CELF4: variants seen among roughly 807,000 people sequenced by gnomAD.
CELF4 encodes CUGBP Elav-like family member 4.
CELF4 carries 18 observed loss-of-function variants against 59.9 expected under a neutral mutation model. The observed-to-expected ratio is 0.30, with a 90% confidence interval of 0.21 to 0.45. CELF4 has a LOEUF of 0.45. CELF4 is among the 20% of genes least tolerant of loss of function. The probability of loss-of-function intolerance (pLI) is 1.00; values close to 1 mark genes in which losing one functional copy is unlikely to be tolerated. For missense variants in CELF4, 456 were observed against 689.0 expected, an observed-to-expected ratio of 0.66 and a Z score of 3.79; for synonymous variants, 261 against 267.1, an observed-to-expected ratio of 0.98 and a Z score of 0.22.
intron 2 of CELF4, among the ~76,000 whole-genome samples, chr18:37,478,639 T>G (rs2099857349): frequency 6.6e-6 from 1 of 152,168 alleles, no homozygotes; most frequent in South Asian, 2.1e-4. Flanking sequence ...GAGATGTCTC[T>G]GTGGGGAGGA....
chr18:37,275,280 G>A (rs552780908), intron 3 of CELF4, 37 bp from the exon 4 acceptor site: 1 of 1,610,480 alleles, frequency 6.2e-7, no homozygotes, highest in East Asian at 2.2e-5. Flanking sequence ...CCGGGCCAGG[G>A]ACCGGGCTGC....
intron 2 of CELF4, among the ~76,000 whole-genome samples, chr18:37,341,352 G>T (rs955872675): frequency 3.3e-5 from 5 of 152,210 alleles, no homozygotes; most frequent in Non-Finnish European, 5.9e-5. Context: ...CTGACAGTGG[G>T]AGTGGTCTGG....
At chr18:37,518,013 C>T (rs552711157) in intron 1 of CELF4, among the ~76,000 whole-genome samples, 1 of 152,276 alleles carries the variant, frequency 6.6e-6, no homozygotes, top group South Asian at 2.1e-4. Flanking sequence ...GTCCCCCTCC[C>T]TCTCAGGCCT....
chr18:37,475,175 G>A (rs901570947), intron 2 of CELF4, among the ~76,000 whole-genome samples: 28 of 152,294 alleles, frequency 1.8e-4, no homozygotes, highest in Admixed American at 1.6e-3. Flanking sequence ...CCAAGTTCCT[G>A]GGGTCAACCC....
chr18:37,415,830 A>C (rs949420022), intron 2 of CELF4, among the ~76,000 whole-genome samples: 4 of 152,224 alleles, frequency 2.6e-5, no homozygotes, highest in African/African-American at 9.7e-5. Context: ...TCACAACATG[A>C]CACTCCCTGG....
intron 2 of CELF4, among the ~76,000 whole-genome samples, chr18:37,410,067 C>G (rs1422107978): frequency 6.6e-6 from 1 of 152,114 alleles, no homozygotes; most frequent in East Asian, 1.9e-4. Flanking sequence ...CAGGTGTTGA[C>G]TGGACTGAGC....
chr18:37,444,499 C>T (rs1178874593), intron 2 of CELF4, among the ~76,000 whole-genome samples: 1 of 152,040 alleles, frequency 6.6e-6, no homozygotes, highest in Non-Finnish European at 1.5e-5. Context: ...ATTCTTTGCT[C>T]CAGGCTCCAA....
chr18:37,404,550 A>C (rs2099362020), intron 2 of CELF4, among the ~76,000 whole-genome samples: 1 of 152,192 alleles, frequency 6.6e-6, no homozygotes, highest in Non-Finnish European at 1.5e-5. Context: ...TCCCGAAGCC[A>C]TGGGAATCTC....
chr18:37,304,892 G>A (rs559435017), intron 3 of CELF4, among the ~76,000 whole-genome samples: 6 of 152,342 alleles, frequency 3.9e-5, no homozygotes, highest in Middle Eastern at 6.8e-3. Context: ...GGGGGAGCAG[G>A]TGGGGGCTGG....
chr18:37,527,429 C>A (rs941310287), intron 1 of CELF4, among the ~76,000 whole-genome samples: 4 of 152,110 alleles, frequency 2.6e-5, no homozygotes, highest in African/African-American at 7.2e-5. Context: ...TAGAACCCTC[C>A]ATTTTCCAAG....
chr18:37,272,013 G>T (rs578082127), intron 7 of CELF4, among the ~76,000 whole-genome samples: 40 of 152,286 alleles, frequency 2.6e-4, no homozygotes, highest in African/African-American at 8.9e-4. Context: ...CCTTGAAGTT[G>T]GGGATCAGAG....
At chr18:37,500,537 CT>C (rs10714673) in intron 1 of CELF4, among the ~76,000 whole-genome samples, 52,673 of 98,840 alleles carry the variant, frequency 0.53, 10,651 homozygotes, top group South Asian at 0.68. Context: ...TTTTCTTTTT[CT>C]TTTTTTTTTT....
intron 1 of CELF4, among the ~76,000 whole-genome samples, chr18:37,523,051 G>C (rs1216427901): frequency 2.0e-5 from 3 of 152,184 alleles, no homozygotes; most frequent in Non-Finnish European, 4.4e-5. Context: ...CCCACAACCA[G>C]ATTCACAAGG....
At chr18:37,304,362 A>C (rs1259758899) in intron 3 of CELF4, among the ~76,000 whole-genome samples, 4 of 152,302 alleles carry the variant, frequency 2.6e-5, no homozygotes, top group Middle Eastern at 3.4e-3. Context: ...GGGTTCCATG[A>C]GACAGCAGGC....
intron 3 of CELF4, among the ~76,000 whole-genome samples, chr18:37,312,123 A>G (rs1173775350): frequency 1.7e-5 from 2 of 118,154 alleles, no homozygotes. Context: ...AAAAAAAAAA[A>G]AAAAAAAGAA....
chr18:37,421,009 C>T (rs1254068219), intron 2 of CELF4, among the ~76,000 whole-genome samples: 1 of 152,124 alleles, frequency 6.6e-6, no homozygotes, highest in Non-Finnish European at 1.5e-5. Context: ...AAGGTTCTTC[C>T]CTCCTCCTCT....
At chr18:37,357,874 G>C (rs1455238434) in intron 2 of CELF4, among the ~76,000 whole-genome samples, 2 of 152,166 alleles carry the variant, frequency 1.3e-5, no homozygotes, top group Non-Finnish European at 2.9e-5. Context: ...GGGGCCTTTA[G>C]CACTTTTGTT....
At chr18:37,330,790 C>G (rs886335065) in intron 2 of CELF4, among the ~76,000 whole-genome samples, 10 of 152,140 alleles carry the variant, frequency 6.6e-5, no homozygotes, top group African/African-American at 1.7e-4. Flanking sequence ...ATTGGGTCAC[C>G]ACCGGACAGT....
chr18:37,285,033 C>A (rs943171482), intron 3 of CELF4, among the ~76,000 whole-genome samples: 1 of 152,190 alleles, frequency 6.6e-6, no homozygotes, highest in Non-Finnish European at 1.5e-5. Flanking sequence ...AGACCACTGG[C>A]AAAATGCCCA....
Sources: gnomAD v4.1 joint callset for allele counts (sites outside exome capture counted in the v4.1 genomes callset) on GRCh38, gnomAD v4.1.1 for gene constraint, MANE v1.5 for transcripts, NCBI Gene and HGNC (gene_info 2026-07-23, HGNC 2026-07-21) for gene names.